Variants in AGBL4 observed in about 807,000 individuals in gnomAD.
AGBL4 encodes the protein cytosolic carboxypeptidase 6.
A neutral mutation model predicts 66.4 loss-of-function variants in AGBL4; 58 were observed. The ratio of observed to expected loss-of-function variants is 0.87; its 90% CI spans 0.71 to 1.09. AGBL4 has a LOEUF of 1.09. AGBL4 is among the 50% of genes least tolerant of loss of function. The pLI, the probability that AGBL4 is intolerant of heterozygous loss-of-function variation, is 0.00. For synonymous variants in AGBL4, 234 were observed against 222.9 expected (o/e 1.05, Z -0.44); for missense variants, 579 against 631.0 (o/e 0.92, Z 0.88).
intron 3 of AGBL4, among the ~76,000 whole-genome samples, chr1:49,432,929 G>A (rs1243035065): frequency 3.9e-5 from 6 of 152,158 alleles, no homozygotes; most frequent in African/African-American, 1.4e-4. Context: ...CCTTCAGGGA[G>A]AGGAGAGGAG....
At position 49,112,520 on chromosome 1, in the gene AGBL4, C is replaced by T. The variant is rs145581547; in HGVS notation, c.378-66720G>A. On this transcript the variant is annotated intron_variant, in intron 4 of 13. Transcript: ENST00000371839. ...TCATGAAAACTTTCTCTGTAGCATG[C>T]GATACTGTTTGACAGCATTTTACCC... 8.5e-5 allele frequency among the ~76,000 whole-genome samples: 13 copies of T among 152,258 alleles called. No individual in the cohort carries two copies. The East Asian group carries it at 1.5e-3, about 18-fold the overall frequency.
chr1:48,586,716 A>G (rs1019689955), intron 11 of AGBL4: 1 of 369,682 alleles, frequency 2.7e-6, no homozygotes, highest in African/African-American at 2.0e-5. Flanking sequence ...TCACTGCATC[A>G]TGAGAGAAGA....
intron 3 of AGBL4, among the ~76,000 whole-genome samples, chr1:49,618,816 G>A (rs867963780): frequency 3.3e-5 from 5 of 152,172 alleles, no homozygotes; most frequent in South Asian, 4.1e-4. Flanking sequence ...CTGGTTCAAC[G>A]TATGCAAATC....
intron 5 of AGBL4, among the ~76,000 whole-genome samples, chr1:48,881,155 G>A (rs903551619): frequency 3.3e-5 from 5 of 152,026 alleles, no homozygotes; most frequent in Non-Finnish European, 7.4e-5. Flanking sequence ...TGTTCATATT[G>A]CCACATTGAT....
chr1:48,966,116 C>G (rs546851816), intron 5 of AGBL4, among the ~76,000 whole-genome samples: 1 of 152,180 alleles, frequency 6.6e-6, no homozygotes, highest in African/African-American at 2.4e-5. Context: ...GGTTTTGATA[C>G]AAGAACCACA....
intron 1 of AGBL4, among the ~76,000 whole-genome samples, chr1:50,019,979 A>G (rs1432941162): frequency 6.6e-6 from 1 of 152,096 alleles, no homozygotes; most frequent in Non-Finnish European, 1.5e-5. Flanking sequence ...ACCCTCTTAC[A>G]GAGCTATCTA....
chr1:49,765,719 A>G (rs748991807), intron 2 of AGBL4, among the ~76,000 whole-genome samples: 18 of 152,090 alleles, frequency 1.2e-4, no homozygotes, highest in Non-Finnish European at 2.2e-4. Flanking sequence ...CCAGAAAATG[A>G]AGGAAGAGAA....
intron 6 of AGBL4, among the ~76,000 whole-genome samples, chr1:48,721,827 C>T (rs1490758782): frequency 2.0e-5 from 3 of 152,200 alleles, no homozygotes; most frequent in African/African-American, 7.2e-5. Context: ...TCACTGTCAT[C>T]CAGGCCTGGA....
At chr1:49,258,923 A>T (rs141013079) in intron 3 of AGBL4, among the ~76,000 whole-genome samples, 1,682 of 152,328 alleles carry the variant, frequency 0.011, 28 homozygotes, top group African/African-American at 0.029. Flanking sequence ...CGGGTTACCC[A>T]CAAAGGGAAG....
chr1:49,531,067 G>A (rs1651104590), intron 3 of AGBL4, among the ~76,000 whole-genome samples: 1 of 152,048 alleles, frequency 6.6e-6, no homozygotes, highest in Admixed American at 6.5e-5. Context: ...CCCACAGTTT[G>A]CCTCTAAATT....
chr1:48,900,694 G>A (rs1459985542), intron 5 of AGBL4, among the ~76,000 whole-genome samples: 1 of 152,142 alleles, frequency 6.6e-6, no homozygotes, highest in Non-Finnish European at 1.5e-5. Context: ...GGGAAAATAA[G>A]AATTTTGATC....
At chr1:48,577,818 G>C (rs1316201692) in intron 11 of AGBL4, among the ~76,000 whole-genome samples, 1 of 152,190 alleles carries the variant, frequency 6.6e-6, no homozygotes, top group African/African-American at 2.4e-5. Flanking sequence ...AGTAAGGGCT[G>C]ACTGGTAGGT....
At chr1:48,813,657 G>T (rs1646109159) in intron 6 of AGBL4, among the ~76,000 whole-genome samples, 2 of 152,114 alleles carry the variant, frequency 1.3e-5, no homozygotes, top group African/African-American at 4.8e-5. Flanking sequence ...TAAGAGTAAG[G>T]TGTTGCTTTG....
chr1:49,804,329 T>G (rs976178095), intron 2 of AGBL4, among the ~76,000 whole-genome samples: 3 of 152,174 alleles, frequency 2.0e-5, no homozygotes, highest in African/African-American at 7.2e-5. Context: ...GTGTATTTTG[T>G]GTGTGGCCCA....
intron 5 of AGBL4, among the ~76,000 whole-genome samples, chr1:48,932,693 T>C (rs567654991): frequency 9.8e-5 from 15 of 152,332 alleles, no homozygotes; most frequent in African/African-American, 3.4e-4. Context: ...GAGTGACCCT[T>C]GTAGAACTGT....
intron 3 of AGBL4, among the ~76,000 whole-genome samples, chr1:49,470,720 C>A (rs942735401): frequency 6.6e-6 from 1 of 152,018 alleles, no homozygotes; most frequent in African/African-American, 2.4e-5. Flanking sequence ...AGTTATCACC[C>A]TATTTCAATA....
At chr1:48,846,359 AAAGAAGAAAGAAAGAAAG>A (rs1646910161) in intron 6 of AGBL4, among the ~76,000 whole-genome samples, 2 of 137,764 alleles carry the variant, frequency 1.5e-5, no homozygotes, top group African/African-American at 5.4e-5. Flanking sequence ...AAGGAGAAAG[AAAGAAGAAAGAAAGAAAG>A]AAAGAAAGAA....
intron 3 of AGBL4, among the ~76,000 whole-genome samples, chr1:49,458,851 G>T (rs952700725): frequency 6.6e-6 from 1 of 151,620 alleles, no homozygotes; most frequent in African/African-American, 2.4e-5. Context: ...TGTTAATGTG[G>T]TGTATCACAT....
intron 4 of AGBL4, among the ~76,000 whole-genome samples, chr1:49,130,972 T>G (rs1276193164): frequency 6.6e-6 from 1 of 152,114 alleles, no homozygotes; most frequent in Non-Finnish European, 1.5e-5. Flanking sequence ...ACATAAACAT[T>G]CATAGTAGCT....
Sources: gnomAD v4.1 joint callset for allele counts (sites outside exome capture counted in the v4.1 genomes callset) on GRCh38, gnomAD v4.1.1 for gene constraint, MANE v1.5 for transcripts, NCBI Gene and HGNC (gene_info 2026-07-23, HGNC 2026-07-21) for gene names.